The following CPLANE1 variants were observed in gnomAD, a reference collection of about 807,000 sequenced individuals.
CPLANE1 encodes ciliogenesis and planar polarity effector 1.
Under a neutral mutation model 362.5 loss-of-function variants are expected in CPLANE1, and 263 were observed. The ratio of observed to expected loss-of-function variants is 0.73; its 90% CI spans 0.66 to 0.80. The LOEUF is 0.80. CPLANE1 is among the 30% of genes least tolerant of loss of function. The pLI is 0.00. For missense variants in CPLANE1, 3,461 were observed against 3,793.4 expected (o/e 0.91, Z 2.30); for synonymous variants, 1,212 against 1,302.6 (o/e 0.93, Z 1.50).
chr5:37,217,750 G>T (rs1196387415), intron 15 of CPLANE1, among the ~76,000 whole-genome samples: 1 of 151,928 alleles, frequency 6.6e-6, no homozygotes, highest in Non-Finnish European at 1.5e-5. Context: ...GCCGAGGGGG[G>T]AGGATCACCT....
intron 1 of CPLANE1, 53 bp from the exon 2 acceptor site, chr5:37,247,798 ATTTTTTT>A (rs11320255): frequency 2.1e-6 from 2 of 965,892 alleles, no homozygotes; most frequent in African/African-American, 3.6e-5. Flanking sequence ...TTCACTGGGC[ATTTTTTT>A]TTTTTTTTTG....
Position 37,183,298 on chromosome 5 carries a change from G to C in CPLANE1, c.4883C>G (p.Ser1628Ter). Residue 1628 changes from serine to a stop codon, truncating the protein, a stop_gained, in exon 26 of 53, where the codon TCA becomes TGA. Transcript: ENST00000651892. LOFTEE classifies it high-confidence loss of function. ...CFVVAPESYESEKSSSLNDEY... is the reference protein window; with the variant it reads ...CFVVAPESYE ...ATCATTTAAAGAGGATGATTTTTCT[G>C]ATTCATAGGACTCAGGAGCAACAAC... 1 of 1,613,208 alleles carries C rather than the reference G, an allele frequency of 6.2e-7. No individual in the cohort carries two copies. The highest frequency in any genetic ancestry group is 2.2e-5 in the East Asian group (1 of 44,828).
At position 37,122,472 on chromosome 5, in the gene CPLANE1, C is replaced by T. The variant is rs1469826743; in HGVS notation, c.8975G>A (p.Arg2992Lys). ...PRSNPLYMTSREIRLRQKMKH... is the reference protein window; with the variant it reads ...PRSNPLYMTSKEIRLRQKMKH... ...CATCTTTTGTCTCAGCCTTATTTCC[C>T]TTGAAGTCATGTAAAGCTGCATAAA... Residue 2992 changes from arginine to lysine, a missense_variant, in exon 48 of 53, where the codon AGG becomes AAG. Arg to Lys is a conservative substitution (Grantham distance 26). Around this residue, in one of 2 missense-constraint regions of CPLANE1, gnomAD observed 3,380 missense variants for 3,666.1 expected, o/e 0.92. Coordinates refer to ENST00000651892, the MANE Select transcript of CPLANE1 (RefSeq NM_001384732.1). The T allele has an allele frequency of 3.1e-6, 5 of 1,612,536 alleles. No homozygotes were observed. Among genetic ancestry groups the T allele is most frequent in the Non-Finnish European group, 4.2e-6 (5 of 1,179,548 alleles).
intron 42 of CPLANE1, among the ~76,000 whole-genome samples, chr5:37,151,149 T>TA (rs1237332865): frequency 1.4e-4 from 21 of 152,334 alleles, no homozygotes; most frequent in Admixed American, 5.2e-4. Context: ...CCAGATGTCT[T>TA]AAAGTCCAAT....
intron 30 of CPLANE1, 134 bp downstream of exon 30, chr5:37,177,487 A>G (rs1248209599): frequency 1.2e-5 from 8 of 669,556 alleles, no homozygotes; most frequent in Non-Finnish European, 2.1e-5. Context: ...TACCATAACT[A>G]TAAACTGAAG....
chr5:37,135,829 CA>C (rs796591867), intron 46 of CPLANE1, among the ~76,000 whole-genome samples: 16 of 142,142 alleles, frequency 1.1e-4, no homozygotes, highest in Admixed American at 1.4e-4. Context: ...GACTCTGTCT[CA>C]AAAAAAAAAA....
chr5:37,141,714 T>C, intron 44 of CPLANE1: 1 of 984,216 alleles, frequency 1.0e-6, no homozygotes, highest in Non-Finnish European at 1.2e-6. Flanking sequence ...GTGATTGAAC[T>C]GATGTATTTA....
rs542347436 is a variant in CPLANE1 at position 37,127,977 on chromosome 5, C to T, written c.8793-2568G>A. On this transcript the variant is annotated intron_variant, in intron 46 of 52. Coordinates refer to ENST00000651892, the MANE Select transcript of CPLANE1 (RefSeq NM_001384732.1). Reference sequence around the variant, plus strand: ...TCACTTAAGCCTGGGGAGGTTGAGGCTGCAGTAAGCCATGATTGTGCCACT... The same window carrying T: ...TCACTTAAGCCTGGGGAGGTTGAGGTTGCAGTAAGCCATGATTGTGCCACT... Among the ~76,000 whole-genome samples the T allele has an allele frequency of 8.2e-3, 1,247 of 152,104 alleles. 8 individuals are homozygous for T. The highest frequency in any genetic ancestry group is 0.013 in the Non-Finnish European group (874 of 68,000).
At chr5:37,144,381 A>G (rs1463730604) in intron 43 of CPLANE1, among the ~76,000 whole-genome samples, 1 of 145,872 alleles carries the variant, frequency 6.9e-6, no homozygotes, top group East Asian at 2.1e-4. Flanking sequence ...GCACTCCAAC[A>G]GAGTGAGACT....
At chr5:37,188,444 C>A (rs1222819298) in intron 21 of CPLANE1, among the ~76,000 whole-genome samples, 1 of 152,184 alleles carries the variant, frequency 6.6e-6, no homozygotes, top group Non-Finnish European at 1.5e-5. Flanking sequence ...GTAGACAGAG[C>A]AAGACCTTGT....
chr5:37,163,663 T>C (rs1164252563), intron 37 of CPLANE1, among the ~76,000 whole-genome samples: 2 of 152,184 alleles, frequency 1.3e-5, no homozygotes, highest in Admixed American at 6.6e-5. Context: ...GATTTCCTGA[T>C]AGGAGTGTCT....
At chr5:37,115,589 TTTTA>T (rs1428201347) in intron 50 of CPLANE1, among the ~76,000 whole-genome samples, 2 of 149,102 alleles carry the variant, frequency 1.3e-5, no homozygotes, top group East Asian at 1.9e-4. Context: ...AAACTTAGAC[TTTTA>T]TTTCTTTTTT....
intron 18 of CPLANE1, among the ~76,000 whole-genome samples, chr5:37,204,404 C>A (rs1790087733): frequency 6.6e-6 from 1 of 152,118 alleles, no homozygotes; most frequent in Non-Finnish European, 1.5e-5. Context: ...ATCTAAATTT[C>A]TCCAACTGTA....
chr5:37,115,123 G>A (rs1407978593), intron 50 of CPLANE1, 74 bp from the exon 51 acceptor site: 1 of 960,984 alleles, frequency 1.0e-6, no homozygotes, highest in Non-Finnish European at 1.6e-6. Flanking sequence ...AGTTATTTGA[G>A]GACAGACACC....
At chr5:37,230,256 A>C (rs1457528718) in intron 9 of CPLANE1, among the ~76,000 whole-genome samples, 2 of 151,912 alleles carry the variant, frequency 1.3e-5, no homozygotes, top group Non-Finnish European at 2.9e-5. Flanking sequence ...CCAAAGTCAT[A>C]CAACTAATAA....
At chr5:37,156,934 A>C (rs1465827592) in intron 41 of CPLANE1, among the ~76,000 whole-genome samples, 3 of 152,200 alleles carry the variant, frequency 2.0e-5, no homozygotes, top group African/African-American at 7.2e-5. Flanking sequence ...CCGAATTTGA[A>C]ATAAAAGTTG....
chr5:37,093,957 G>A, the CPLANE1 span, among the ~76,000 whole-genome samples: 1 of 146,850 alleles, frequency 6.8e-6, no homozygotes, highest in African/African-American at 2.6e-5. Context: ...TTACTCATGT[G>A]GTTCTAAAAC....
In CPLANE1 at chr5:37,244,379, T is replaced by G; in HGVS notation, c.566A>C (p.Asn189Thr). 1 of 1,546,952 alleles carries G rather than the reference T, an allele frequency of 6.5e-7. No homozygotes were observed. Among genetic ancestry groups the G allele is most frequent in the South Asian group, 1.2e-5 (1 of 83,288 alleles). Residue 189 changes from asparagine to threonine, a missense_variant, in exon 5 of 53, where the codon AAT (asparagine) becomes ACT (threonine). Asn to Thr is a moderately conservative substitution (Grantham distance 65, BLOSUM62 0). This residue lies in a region of CPLANE1 where 3,380 missense variants were observed against 3,666.1 expected (regional missense o/e 0.92). Transcript: ENST00000651892. ...AGAGTCTGAGACTGATTTTACCTCATTTTTTATAAAAACAGCATTCACTAC... is the reference window on the plus strand; with the variant it reads ...AGAGTCTGAGACTGATTTTACCTCAGTTTTTATAAAAACAGCATTCACTAC... ...EAVVNAVFIK[N>T]ELFGDCCLCS...
intron 38 of CPLANE1, 84 bp from the exon 39 acceptor site, chr5:37,158,429 T>C: frequency 1.5e-6 from 2 of 1,324,866 alleles, no homozygotes; most frequent in Non-Finnish European, 2.1e-6. Flanking sequence ...ATGAACAAGT[T>C]AGCAACAAAC....
Sources: allele counts gnomAD v4.1 joint callset (sites outside exome capture counted in the v4.1 genomes callset), GRCh38; gene constraint gnomAD v4.1.1; regional missense constraint gnomAD v4.1.1; transcripts MANE v1.5; gene names NCBI Gene and HGNC (gene_info 2026-07-23, HGNC 2026-07-21).